SCN9A: variants seen among roughly 807,000 people sequenced by gnomAD.
The protein encoded by SCN9A is sodium channel protein type 9 subunit alpha.
Under a neutral mutation model 187.0 loss-of-function variants are expected in SCN9A, and 131 were observed. The observed-to-expected ratio is 0.70, with a 90% CI of 0.61 to 0.81. SCN9A has a LOEUF of 0.81. Ranked by LOEUF, SCN9A falls within the 30% of genes least tolerant of loss-of-function variation. The pLI is 0.00. For missense variants in SCN9A, 2,252 were observed against 2,396.6 expected (o/e 0.94, Z 1.26); for synonymous variants, 809 against 808.6 (o/e 1.00, Z -0.01).
intron 1 of SCN9A, among the ~76,000 whole-genome samples, chr2:166,315,381 TC>T (rs2105234685): frequency 6.6e-6 from 1 of 152,178 alleles, no homozygotes; most frequent in Admixed American, 6.5e-5. Context: ...TGTCTCTGTC[TC>T]CCCCAACCCC....
chr2:166,326,644 G>A (rs774922349), intron 1 of SCN9A, among the ~76,000 whole-genome samples: 30 of 152,154 alleles, frequency 2.0e-4, no homozygotes, highest in Non-Finnish European at 3.5e-4. Context: ...AGAGATCCTT[G>A]GAGAAATAGC....
At chr2:166,358,668 T>A (rs567192923) in intron 1 of SCN9A, among the ~76,000 whole-genome samples, 1 of 152,300 alleles carries the variant, frequency 6.6e-6, no homozygotes, top group East Asian at 1.9e-4. Flanking sequence ...TTAATTAAAT[T>A]GAATTCACCA....
chr2:166,272,585 T>C lies in SCN9A; in HGVS notation c.3165A>G (p.Glu1055=), dbSNP rs377554989. Residue 1055 remains glutamate (E), a synonymous_variant, in exon 17 of 27, where the codon GAA becomes GAG. Transcript: ENST00000642356. ...TTCCAAAACCACTGATTTTATCTTT[T>C]TCCTTGAGGAAATTGTGACCTTTGC... ...EMSKGHNFLK[E]KDKISGFGSS... 6.2e-7 allele frequency: 1 copy of C among 1,613,532 alleles called. No homozygotes were observed. Among genetic ancestry groups the C allele is most frequent in the Non-Finnish European group, 8.5e-7 (1 of 1,179,726 alleles).
At chr2:166,331,764 T>G (rs1471973977) in intron 1 of SCN9A, among the ~76,000 whole-genome samples, 1 of 152,238 alleles carries the variant, frequency 6.6e-6, no homozygotes, top group African/African-American at 2.4e-5. Flanking sequence ...CATTGCTCAA[T>G]GTTAATATAA....
At chr2:166,203,586 C>G (rs1021589097) in intron 26 of SCN9A, among the ~76,000 whole-genome samples, 1 of 151,880 alleles carries the variant, frequency 6.6e-6, no homozygotes. Context: ...TATCATTAAT[C>G]AAATGACAAG....
In SCN9A at chr2:166,311,637, T is replaced by C. The variant is rs1325578014; in HGVS notation, c.120A>G (p.Lys40=). 6.2e-7 allele frequency: 1 copy of C among 1,613,482 alleles called. No homozygotes were observed. Among genetic ancestry groups the C allele is most frequent in the South Asian group, 1.1e-5 (1 of 91,048 alleles). ...RKSKEPKEEK[K]DDDEEAPKPS... Reference sequence around the variant, plus strand: ...GCTTTGGGGCTTCTTCATCATCATCTTTCTTTTCTTCTTTGGGTTCCTTTG... The same window carrying C: ...GCTTTGGGGCTTCTTCATCATCATCCTTCTTTTCTTCTTTGGGTTCCTTTG... The change falls in exon 2 of 27, where the codon AAA becomes AAG. Residue 40 remains lysine, a synonymous_variant. Coordinates refer to ENST00000642356, the MANE Select transcript of SCN9A (RefSeq NM_001365536.1).
intron 1 of SCN9A, among the ~76,000 whole-genome samples, chr2:166,334,841 C>T (rs932670980): frequency 3.3e-5 from 5 of 152,066 alleles, no homozygotes; most frequent in African/African-American, 4.8e-5. Context: ...GAGCTTAAAA[C>T]CTTGTATGAT....
chr2:166,246,554 A>T (rs1695797894), intron 18 of SCN9A, among the ~76,000 whole-genome samples: 3 of 151,948 alleles, frequency 2.0e-5, no homozygotes, highest in African/African-American at 7.2e-5. Context: ...AAAATACCAG[A>T]GAGAGCGAAA....
chr2:166,326,308 A>C (rs1198046158), intron 1 of SCN9A, among the ~76,000 whole-genome samples: 1 of 152,194 alleles, frequency 6.6e-6, no homozygotes, highest in Non-Finnish European at 1.5e-5. Context: ...AATCTGGAGA[A>C]TACAGGGGAA....
chr2:166,242,419 T>C (rs1234143066), intron 19 of SCN9A, 83 bp downstream of exon 19: 10 of 1,241,164 alleles, frequency 8.1e-6, no homozygotes, highest in African/African-American at 1.5e-5. Flanking sequence ...GTAAAACAAC[T>C]TGCCATGATA....
At chr2:166,219,675 G>T (rs1347556339) in intron 24 of SCN9A, among the ~76,000 whole-genome samples, 1 of 152,004 alleles carries the variant, frequency 6.6e-6, no homozygotes, top group African/African-American at 2.4e-5. Flanking sequence ...CCTATGACAT[G>T]TTTACCTATG....
intron 10 of SCN9A, 108 bp from the exon 11 acceptor site, chr2:166,286,731 C>A: frequency 1.3e-6 from 1 of 750,910 alleles, no homozygotes; most frequent in Non-Finnish European, 1.9e-6. Flanking sequence ...TGCATATAAT[C>A]ATGTCCTTTA....
intron 1 of SCN9A, among the ~76,000 whole-genome samples, chr2:166,348,983 C>T (rs1192725864): frequency 6.6e-6 from 1 of 152,058 alleles, no homozygotes; most frequent in Non-Finnish European, 1.5e-5. Context: ...ACAAAATTAG[C>T]CGGGCGTGGT....
intron 1 of SCN9A, among the ~76,000 whole-genome samples, chr2:166,323,424 A>G (rs1699290230): frequency 6.6e-6 from 1 of 152,196 alleles, no homozygotes; most frequent in African/African-American, 2.4e-5. Context: ...CCAAGGTACT[A>G]TGAAAACCCT....
At chr2:166,313,178 AATAAT>A (rs1559036222) in intron 1 of SCN9A, among the ~76,000 whole-genome samples, 1 of 151,442 alleles carries the variant, frequency 6.6e-6, no homozygotes, top group East Asian at 1.9e-4. Context: ...TGAATAATTA[AATAAT>A]ATAATTCTAA....
Position 166,286,605 on chromosome 2 carries a change from C to A in SCN9A, c.1333G>T (p.Ala445Ser), listed in dbSNP as rs776222499. The A allele has an allele frequency of 1.9e-6, 3 of 1,552,492 alleles. No homozygotes were observed. The highest frequency in any genetic ancestry group is 2.1e-5 in the Admixed American group (1 of 47,246). Residue 445 changes from alanine to serine, a missense_variant, in exon 11 of 27, where the codon GCT becomes TCT. By Grantham distance (99) the Ala-to-Ser change is moderately conservative. Coordinates refer to ENST00000642356, the MANE Select transcript of SCN9A (RefSeq NM_001365536.1). ...CTTCTCCTAATACTTGTATATTCAG[C>A]CGCTGCCGCTGCAATTGCCTGGTTG... The part of the protein sequence containing the change: ...EEAEAIAAAA[A>S]EYTSIRRSRI...
At chr2:166,257,360 C>G (rs144617785) in intron 17 of SCN9A, among the ~76,000 whole-genome samples, 2 of 151,672 alleles carry the variant, frequency 1.3e-5, no homozygotes, top group African/African-American at 4.8e-5. Flanking sequence ...ATGACAAACA[C>G]AAAGTAAGCT....
intron 17 of SCN9A, among the ~76,000 whole-genome samples, chr2:166,252,903 T>A (rs1696108629): frequency 6.6e-6 from 1 of 151,970 alleles, no homozygotes; most frequent in South Asian, 2.1e-4. Context: ...TTTTTCATTC[T>A]CATTTGCTAA....
At position 166,209,700 on chromosome 2, in the gene SCN9A, G is replaced by GA. The variant is rs1300410033; in HGVS notation, c.4399-5237dup. On this transcript the variant is annotated intron_variant, in intron 24 of 26. Transcript: ENST00000642356. ...ACATTTATGCAGCCAAAAAACACAT[G>GA]AAAAAATGCTCATCATCACTGGCCA... Among the ~76,000 whole-genome samples, 19 of 152,068 alleles carry GA rather than the reference G, an allele frequency of 1.2e-4. No homozygotes were observed. In the East Asian group the frequency reaches 3.5e-3, roughly 28 times the overall value.
Sources: allele counts gnomAD v4.1 joint callset (sites outside exome capture counted in the v4.1 genomes callset), GRCh38; gene constraint gnomAD v4.1.1; transcripts MANE v1.5; gene names NCBI Gene and HGNC (gene_info 2026-07-23, HGNC 2026-07-21).